The following ARHGAP18 variants were observed in gnomAD, a reference collection of about 807,000 sequenced individuals.
ARHGAP18 encodes Rho GTPase activating protein 18.
In ARHGAP18, 67 loss-of-function variants were observed where a neutral mutation model predicts 86.2. The ratio of observed to expected loss-of-function variants is 0.78; its 90% CI spans 0.64 to 0.95. ARHGAP18 has a LOEUF of 0.95. Among genes scored for constraint, ARHGAP18 ranks in the 40% least tolerant of loss-of-function variants. ARHGAP18 has a pLI of 0.00. For synonymous variants in ARHGAP18, 283 were observed against 280.4 expected (o/e 1.01, Z -0.09); for missense variants, 691 against 780.4 (o/e 0.89, Z 1.37).
chr6:129,607,798 G>GT, intron 9 of ARHGAP18, 95 bp downstream of exon 9: 1 of 1,334,002 alleles, frequency 7.5e-7, no homozygotes, highest in East Asian at 2.6e-5. Flanking sequence ...ACCCAAATAC[G>GT]TCTGGTTGCG....
At chr6:129,616,740 G>A (rs951739898) in intron 6 of ARHGAP18, among the ~76,000 whole-genome samples, 6 of 152,082 alleles carry the variant, frequency 3.9e-5, no homozygotes, top group Non-Finnish European at 7.4e-5. Flanking sequence ...TTGAGCCCAG[G>A]AGTTCAAGAC....
chr6:129,592,471 G>T (rs1788536443), intron 12 of ARHGAP18, among the ~76,000 whole-genome samples: 1 of 152,136 alleles, frequency 6.6e-6, no homozygotes, highest in Non-Finnish European at 1.5e-5. Flanking sequence ...CATTATTCTG[G>T]AACTTTCAGC....
At chr6:129,630,664 TA>T (rs1334506660) in intron 4 of ARHGAP18, among the ~76,000 whole-genome samples, 3 of 152,218 alleles carry the variant, frequency 2.0e-5, no homozygotes, top group African/African-American at 7.2e-5. Context: ...AGTTTAGAAG[TA>T]AATATGAATC....
At chr6:129,660,877 G>A (rs549760020) in intron 1 of ARHGAP18, among the ~76,000 whole-genome samples, 9 of 152,166 alleles carry the variant, frequency 5.9e-5, no homozygotes, top group African/African-American at 2.2e-4. Context: ...AAGAATCTGT[G>A]TGTGGTGTGA....
chr6:129,611,402 A>C, intron 8 of ARHGAP18, 131 bp downstream of exon 8: 1 of 712,418 alleles, frequency 1.4e-6, no homozygotes, highest in South Asian at 2.1e-5. Context: ...GAATGGTAAA[A>C]GGTTTTATTG....
chr6:129,583,916 C>G, intron 13 of ARHGAP18, 72 bp downstream of exon 13: 3 of 1,512,562 alleles, frequency 2.0e-6, no homozygotes, highest in Non-Finnish European at 2.7e-6. Context: ...GAAGAAGAAG[C>G]AGCAGCGAAG....
At chr6:129,605,987 T>C (rs1163170058) in intron 9 of ARHGAP18, 28 bp from the exon 10 acceptor site, 1 of 1,594,998 alleles carries the variant, frequency 6.3e-7, no homozygotes, top group Non-Finnish European at 8.6e-7. Flanking sequence ...AAATCTGAAC[T>C]CTTTTCTTCA....
chr6:129,700,659 T>A (rs2114555126), intron 1 of ARHGAP18, among the ~76,000 whole-genome samples: 1 of 152,340 alleles, frequency 6.6e-6, no homozygotes, highest in East Asian at 1.9e-4. Context: ...CCCTTTATCA[T>A]CATCGAAAAC....
chr6:129,644,116 G>C (rs1158358287), intron 1 of ARHGAP18, among the ~76,000 whole-genome samples: 1 of 152,158 alleles, frequency 6.6e-6, no homozygotes, highest in Non-Finnish European at 1.5e-5. Flanking sequence ...AATTAGGACA[G>C]GGGCCAACAA....
At chr6:129,590,895 C>G (rs2114436713) in intron 12 of ARHGAP18, among the ~76,000 whole-genome samples, 1 of 152,210 alleles carries the variant, frequency 6.6e-6, no homozygotes, top group African/African-American at 2.4e-5. Context: ...TACAACAATA[C>G]AGAGATTGAG....
At chr6:129,609,056 G>A (rs1788920150) in intron 8 of ARHGAP18, among the ~76,000 whole-genome samples, 1 of 149,110 alleles carries the variant, frequency 6.7e-6, no homozygotes, top group Admixed American at 6.7e-5. Context: ...TGGGAGATAG[G>A]GAGGGAAGGA....
In ARHGAP18 at chr6:129,600,663, C is replaced by T; in HGVS notation, c.1551G>A (p.Lys517=). ...GTANTMHLLI[K]YQKLLWTIPK... is the part of the protein sequence containing the mutation. The stretch of plus-strand genomic sequence containing the variant: ...TTACTGTCCACAGAAGTTTTTGGTA[C>T]TTAATCAATAAGTGCATGGTATTTG... The change falls in exon 11 of 15, where the codon AAG becomes AAA. Residue 517 remains lysine, a synonymous_variant. Transcript: ENST00000368149. 29 of 1,613,360 alleles carry T rather than the reference C, an allele frequency of 1.8e-5. No individual in the cohort carries two copies. The highest frequency in any genetic ancestry group is 2.4e-5 in the Non-Finnish European group (28 of 1,179,558).
At chr6:129,687,322 T>C (rs2114543439) in intron 1 of ARHGAP18, among the ~76,000 whole-genome samples, 1 of 152,268 alleles carries the variant, frequency 6.6e-6, no homozygotes, top group South Asian at 2.1e-4. Flanking sequence ...CTACAAATGT[T>C]TGGAAATGCC....
intron 13 of ARHGAP18, among the ~76,000 whole-genome samples, chr6:129,580,357 AAAG>A (rs1202481729): frequency 1.3e-5 from 2 of 152,246 alleles, no homozygotes; most frequent in African/African-American, 4.8e-5. Flanking sequence ...ATCTGAAGGC[AAAG>A]TAGTAAACCA....
intron 5 of ARHGAP18, among the ~76,000 whole-genome samples, chr6:129,627,017 C>A (rs1013812755): frequency 6.6e-6 from 1 of 152,008 alleles, no homozygotes; most frequent in Non-Finnish European, 1.5e-5. Context: ...GAGTTTCCTG[C>A]AGAAACATAT....
chr6:129,601,506 AAGAGAAAAGAGAGAAG>A (rs555045482), intron 10 of ARHGAP18, among the ~76,000 whole-genome samples: 80 of 152,106 alleles, frequency 5.3e-4, no homozygotes, highest in East Asian at 1.5e-3. Flanking sequence ...GAAAAGAGAA[AAGAGAAAAGAGAGAAG>A]AGAGAAAAGA....
chr6:129,657,897 C>T (rs1236992287), intron 1 of ARHGAP18, among the ~76,000 whole-genome samples: 1 of 152,196 alleles, frequency 6.6e-6, no homozygotes, highest in African/African-American at 2.4e-5. Context: ...TCACCTAATC[C>T]TTACTTTGGG....
intron 1 of ARHGAP18, among the ~76,000 whole-genome samples, chr6:129,651,237 A>G (rs550479850): frequency 6.6e-6 from 1 of 152,258 alleles, no homozygotes; most frequent in East Asian, 1.9e-4. Context: ...TAATAAGGTA[A>G]ATGTTCTATG....
At chr6:129,635,785 T>G (rs1300231425) in intron 3 of ARHGAP18, among the ~76,000 whole-genome samples, 2 of 152,218 alleles carry the variant, frequency 1.3e-5, no homozygotes, top group Non-Finnish European at 2.9e-5. Context: ...GGTGGCAGTG[T>G]TTCAATTAAA....
Sources: allele counts gnomAD v4.1 joint callset (sites outside exome capture counted in the v4.1 genomes callset), GRCh38; gene constraint gnomAD v4.1.1; transcripts MANE v1.5; gene names NCBI Gene and HGNC (gene_info 2026-07-23, HGNC 2026-07-21).